The following RB1 variants were observed in gnomAD, a reference collection of about 807,000 sequenced individuals.
RB1 encodes RB transcriptional corepressor 1, also known as retinoblastoma-associated protein.
Under a neutral mutation model 135.4 loss-of-function variants are expected in RB1, and 18 were observed. The observed-to-expected ratio is 0.13, with a 90% confidence interval of 0.09 to 0.20. RB1 has a LOEUF of 0.20. RB1 is among the 10% of genes least tolerant of loss of function. The pLI is 1.00. For missense variants in RB1, 868 were observed against 1,110.0 expected (o/e 0.78, Z 3.10); for synonymous variants, 365 against 373.2 (o/e 0.98, Z 0.25).
intron 6 of RB1, among the ~76,000 whole-genome samples, chr13:48,352,981 G>T (rs574315200): frequency 9.1e-4 from 139 of 152,110 alleles, no homozygotes; most frequent in Non-Finnish European, 1.6e-3. Context: ...TATGATGTTG[G>T]CTGTGGGTTA....
intron 2 of RB1, chr13:48,320,357 T>C (rs1952223801): frequency 8.0e-7 from 1 of 1,244,150 alleles, no homozygotes; most frequent in Non-Finnish European, 1.2e-6. Flanking sequence ...ACCGACACGC[T>C]CTCCACCCCC....
intron 17 of RB1, among the ~76,000 whole-genome samples, chr13:48,391,133 G>GT (rs1477905579): frequency 1.3e-5 from 2 of 151,476 alleles, no homozygotes; most frequent in African/African-American, 2.4e-5. Flanking sequence ...TTTTGTAATT[G>GT]TTTTTTGATT....
At chr13:48,357,080 T>C (rs550345276) in intron 6 of RB1, among the ~76,000 whole-genome samples, 2 of 152,002 alleles carry the variant, frequency 1.3e-5, no homozygotes, top group South Asian at 4.1e-4. Context: ...TTTGTTATTC[T>C]GTATTAGCTT....
intron 7 of RB1, among the ~76,000 whole-genome samples, chr13:48,362,313 AGAT>A (rs1952650663): frequency 5.5e-5 from 1 of 18,242 alleles, no homozygotes; most frequent in African/African-American, 7.6e-5. Flanking sequence ...ATAATCCAGG[AGAT>A]TTTTTTTTTA....
intron 17 of RB1, among the ~76,000 whole-genome samples, chr13:48,414,558 G>A (rs1948876026): frequency 6.6e-6 from 1 of 151,566 alleles, no homozygotes; most frequent in South Asian, 2.1e-4. Context: ...TTTTTAATTT[G>A]GTCTAGTTTA....
chr13:48,413,001 G>C (rs1042840557), intron 17 of RB1: 4 of 168,458 alleles, frequency 2.4e-5, no homozygotes, highest in Admixed American at 1.3e-4. Flanking sequence ...CCAGATTGTG[G>C]GTAAGCAGAA....
chr13:48,333,055 G>A (rs573720281), intron 2 of RB1: 49 of 398,372 alleles, frequency 1.2e-4, no homozygotes, highest in African/African-American at 9.4e-4. Context: ...GGTTGACCAT[G>A]GGAAACTGAA....
intron 17 of RB1, among the ~76,000 whole-genome samples, chr13:48,402,646 G>A (rs1486851102): frequency 6.6e-6 from 1 of 151,912 alleles, no homozygotes; most frequent in African/African-American, 2.4e-5. Context: ...CAAAGTGCTG[G>A]GATTAGTCAT....
intron 17 of RB1, among the ~76,000 whole-genome samples, chr13:48,450,029 T>C (rs1394248794): frequency 6.6e-6 from 1 of 152,056 alleles, no homozygotes; most frequent in Non-Finnish European, 1.5e-5. Context: ...CTTTGTCAGA[T>C]GGATAGATTG....
At chr13:48,457,852 A>T (rs1949370555) in intron 19 of RB1, among the ~76,000 whole-genome samples, 1 of 152,204 alleles carries the variant, frequency 6.6e-6, no homozygotes, top group Non-Finnish European at 1.5e-5. Flanking sequence ...AGCAGGGAGA[A>T]ACCAGGCAGT....
chr13:48,342,511 GA>G, intron 2 of RB1, 87 bp from the exon 3 acceptor site: 1 of 845,040 alleles, frequency 1.2e-6, no homozygotes, highest in Non-Finnish European at 2.0e-6. Context: ...TGCTGAATAA[GA>G]AAAAATCAGT....
intron 17 of RB1, among the ~76,000 whole-genome samples, chr13:48,393,121 G>T (rs1948623626): frequency 6.6e-6 from 1 of 152,138 alleles, no homozygotes; most frequent in Non-Finnish European, 1.5e-5. Flanking sequence ...CTGACCCTGT[G>T]TCAGCTCCTG....
At chr13:48,472,692 C>T (rs1002973569) in intron 23 of RB1, among the ~76,000 whole-genome samples, 1 of 152,074 alleles carries the variant, frequency 6.6e-6, no homozygotes, top group Non-Finnish European at 1.5e-5. Flanking sequence ...CTACCCAGTA[C>T]ATTTAGGTAC....
At chr13:48,464,042 T>G (rs1253624551) in intron 21 of RB1, among the ~76,000 whole-genome samples, 1 of 152,202 alleles carries the variant, frequency 6.6e-6, no homozygotes, top group Non-Finnish European at 1.5e-5. Flanking sequence ...ATTACCCATA[T>G]TCATAGTTTT....
Position 48,348,990 on chromosome 13 carries a change from A to G in RB1, c.574A>G (p.Lys192Glu). 6.2e-7 allele frequency: 1 copy of G among 1,602,570 alleles called. No homozygotes were observed. The highest frequency in any genetic ancestry group is 2.2e-5 in the East Asian group (1 of 44,502). Reference protein sequence around the residue: ...STEINSALVLKVSWITFLLAK... With the variant: ...STEINSALVLEVSWITFLLAK... ...TGAAATAAATTCTGCATTGGTGCTA[A>G]AAGTTTCTTGGATCACATTTTTATT... Residue 192 changes from lysine (K) to glutamate (E), a missense_variant, in exon 6 of 27, where the codon AAA (lysine) becomes GAA (glutamate). Lys to Glu is a moderately conservative substitution (Grantham distance 56, BLOSUM62 1). Transcript: ENST00000267163.
chr13:48,383,219 A>G (rs1039538266), intron 17 of RB1, among the ~76,000 whole-genome samples: 1 of 152,094 alleles, frequency 6.6e-6, no homozygotes, highest in African/African-American at 2.4e-5. Context: ...TAAAGTATAA[A>G]AATGTATACT....
At position 48,380,311 on chromosome 13, in the gene RB1, CG is replaced by C; in HGVS notation, c.1498+75del. ...TTAAAATGTGGTGTGTTTCTTTGGT[CG>C]GGGGAGAGGGATAGTGTGAGGTTAA... On this transcript the variant is annotated intron_variant, in intron 16 of 26. Transcript: ENST00000267163. 3.5e-6 allele frequency: 4 copies of C among 1,155,606 alleles called. No homozygotes were observed. The South Asian group carries it at 3.9e-5, about 11-fold the overall frequency. 71.6% of individuals were successfully genotyped at this position (1,155,606 alleles called of 1,614,324 possible).
rs2138034351 is a variant in RB1 at position 48,307,366 on chromosome 13, G to T, written c.224G>T (p.Trp75Leu). ...CCAGATCATGTCAGAGAGAGAGCTT[G>T]GTTAACTTGGGAGAAAGTTTCATCT... ...KIPDHVRERA[W>L]LTWEKVSSVD... Residue 75 changes from tryptophan (W) to leucine (L), a missense_variant, in exon 2 of 27, where the codon TGG (tryptophan) becomes TTG (leucine). Physicochemically the swap from Trp to Leu is moderately conservative, Grantham distance 61 (BLOSUM62 -2). Coordinates refer to ENST00000267163, the MANE Select transcript of RB1 (RefSeq NM_000321.3). The T allele has an allele frequency of 6.2e-7, 1 of 1,613,014 alleles. No homozygotes were observed. Among genetic ancestry groups the T allele is most frequent in the Admixed American group, 1.7e-5 (1 of 60,024 alleles).
Position 48,465,030 on chromosome 13 carries a change from G to A in RB1, c.2244G>A (p.Glu748=), listed in dbSNP as rs1131690911. Residue 748 remains glutamate, a synonymous_variant, in exon 22 of 27, where the codon GAG becomes GAA. Coordinates refer to ENST00000267163, the MANE Select transcript of RB1 (RefSeq NM_000321.3). Reference sequence around the variant, plus strand: ...AACGTGTTTTGATCAAAGAAGAGGAGTATGATTCTATTATAGTATTCTATA... The same window carrying A: ...AACGTGTTTTGATCAAAGAAGAGGAATATGATTCTATTATAGTATTCTATA... ...TFKRVLIKEE[E]YDSIIVFYNS... 1.3e-6 allele frequency: 2 copies of A among 1,549,550 alleles called. No individual in the cohort carries two copies. Among genetic ancestry groups the A allele is most frequent in the South Asian group, 1.1e-5 (1 of 89,830 alleles).
Sources: allele counts gnomAD v4.1 joint callset (sites outside exome capture counted in the v4.1 genomes callset), GRCh38; gene constraint gnomAD v4.1.1; transcripts MANE v1.5; gene names NCBI Gene and HGNC (gene_info 2026-07-23, HGNC 2026-07-21).